Variants in EXOG observed in about 807,000 individuals in gnomAD.
The protein encoded by EXOG is exo/endonuclease G, also known as nuclease EXOG, mitochondrial.
In EXOG, 27 loss-of-function variants were observed where a neutral mutation model predicts 25.8. That is an observed-to-expected ratio of 1.05 (90% CI 0.77 to 1.45). EXOG has a LOEUF of 1.45. Among genes scored for constraint, EXOG ranks in the 40% most tolerant of loss-of-function variants. The pLI is 0.00. For synonymous variants in EXOG, 133 were observed against 167.0 expected (o/e 0.80, Z 1.57); for missense variants, 458 against 450.5 (o/e 1.02, Z -0.15).
chr3:38,516,817 G>T (rs1217802745), intron 5 of EXOG, among the ~76,000 whole-genome samples: 1 of 151,906 alleles, frequency 6.6e-6, no homozygotes, highest in Non-Finnish European at 1.5e-5. Context: ...TGATATTTTT[G>T]AATAGTACGG....
intron 2 of EXOG, among the ~76,000 whole-genome samples, chr3:38,500,375 G>T (rs1407344525): frequency 2.0e-5 from 3 of 152,150 alleles, no homozygotes; most frequent in Non-Finnish European, 2.9e-5. Flanking sequence ...TTCCAGGGCA[G>T]TAAGCACCAG....
At chr3:38,498,021 A>T (rs1462812411) in intron 2 of EXOG, 1 of 438,618 alleles carries the variant, frequency 2.3e-6, no homozygotes, top group East Asian at 4.8e-5. Context: ...GCTCTGTCAT[A>T]AATATTACAG....
intron 5 of EXOG, among the ~76,000 whole-genome samples, chr3:38,514,078 G>C (rs10490811): frequency 0.049 from 7,434 of 152,308 alleles, 639 homozygotes; most frequent in African/African-American, 0.17. Context: ...AGTGTGACTA[G>C]AGCAGCGTAA....
rs1433586709 is a variant in EXOG at position 38,523,601 on chromosome 3, C to A, written c.646-300C>A. Among the ~76,000 whole-genome samples the A allele has an allele frequency of 3.3e-5, 5 of 152,132 alleles. No homozygotes were observed. The East Asian group carries it at 9.6e-4, about 29-fold the overall frequency. ...CAGGCTGGTCTTGAACTCCTGACCT[C>A]AAGTGATCTGCCCGCCTTGGCGTCC... On this transcript the variant is annotated intron_variant, in intron 5 of 5. Coordinates refer to ENST00000287675, the MANE Select transcript of EXOG (RefSeq NM_005107.4).
chr3:38,515,895 CAA>C (rs2060528284), intron 5 of EXOG: 1 of 152,182 alleles, frequency 6.6e-6, no homozygotes, highest in African/African-American at 2.4e-5. Flanking sequence ...GAAGGCAAAA[CAA>C]AGGCCTGCTA....
intron 2 of EXOG, chr3:38,499,686 T>C (rs2059990324): frequency 2.2e-6 from 1 of 454,462 alleles, no homozygotes. Context: ...CCTAGGCTGG[T>C]CTTGAATTTC....
chr3:38,511,840 C>T (rs1193758439), intron 5 of EXOG, among the ~76,000 whole-genome samples: 1 of 152,086 alleles, frequency 6.6e-6, no homozygotes, highest in Non-Finnish European at 1.5e-5. Flanking sequence ...TTTACCTCAC[C>T]GAGTTGCTAG....
In EXOG at chr3:38,496,431, G is replaced by T. The variant is rs760734069; in HGVS notation, c.64G>T (p.Ala22Ser). The stretch of plus-strand genomic sequence containing the variant: ...CCGTCGTTTTCTGAGCGGCTTCGTG[G>T]CTGGGGCTGTAGTGGGCGCTGCGGG... Reference protein sequence around the residue: ...GSRRFLSGFVAGAVVGAAGAG... With the variant: ...GSRRFLSGFVSGAVVGAAGAG... Residue 22 changes from alanine to serine, a missense_variant, in exon 1 of 6, where the codon GCT becomes TCT. Transcript: ENST00000287675. 6.2e-7 allele frequency: 1 copy of T among 1,614,096 alleles called. No homozygotes were observed. The highest frequency in any genetic ancestry group is 8.5e-7 in the Non-Finnish European group (1 of 1,179,978).
chr3:38,499,967 C>T, intron 2 of EXOG: 1 of 288,550 alleles, frequency 3.5e-6, no homozygotes. Context: ...TAAGACTCAC[C>T]CAAGGTAGAT....
chr3:38,497,677 G>A lies in EXOG; in HGVS notation c.212G>A (p.Gly71Glu). ...VLEQFGFPLT[G>E]TEARCYTNHA... ...GAACAATTTGGATTCCCTTTAACTGGAACAGAGGCAAGGTGTTACACTAAT... is the reference window on the plus strand; with the variant it reads ...GAACAATTTGGATTCCCTTTAACTGAAACAGAGGCAAGGTGTTACACTAAT... The change falls in exon 2 of 6, where the codon GGA becomes GAA. Residue 71 changes from glycine (G) to glutamate (E), a missense_variant. Around this residue, in one of 3 missense-constraint regions of EXOG, gnomAD observed 275 missense variants for 230.5 expected, o/e 1.19. Coordinates refer to ENST00000287675, the MANE Select transcript of EXOG (RefSeq NM_005107.4). 1 of 1,606,286 alleles carries A rather than the reference G, an allele frequency of 6.2e-7. No homozygotes were observed. The highest frequency in any genetic ancestry group is 8.5e-7 in the Non-Finnish European group (1 of 1,178,386).
At chr3:38,513,938 G>C (rs973689103) in intron 5 of EXOG, 1 of 152,264 alleles carries the variant, frequency 6.6e-6, no homozygotes, top group African/African-American at 2.4e-5. Flanking sequence ...AGAAAGACAA[G>C]GGGAAGTGAG....
intron 5 of EXOG, among the ~76,000 whole-genome samples, chr3:38,517,217 C>A (rs2060572758): frequency 6.6e-6 from 1 of 152,194 alleles, no homozygotes; most frequent in Non-Finnish European, 1.5e-5. Flanking sequence ...TATTAGTTGA[C>A]ATTCCACTGT....
chr3:38,508,154 A>C (rs562105232), intron 5 of EXOG, among the ~76,000 whole-genome samples: 51 of 152,274 alleles, frequency 3.3e-4, no homozygotes, highest in African/African-American at 1.1e-3. Context: ...ATAAAAATAA[A>C]ATAAAAACAA....
In EXOG at chr3:38,524,262, A is replaced by G. The variant is rs146039478; in HGVS notation, c.1007A>G (p.Glu336Gly). ...EKIMENLKNA[E>G]IEPDDYFMSR... ...ATCATGGAAAACTTGAAGAATGCAG[A>G]GATTGAACCAGATGATTACTTTATG... is the stretch of plus-strand genomic sequence containing the variant. The change falls in exon 6 of 6, where the codon GAG (glutamate) becomes GGG (glycine). Residue 336 changes from glutamate (E) to glycine (G), a missense_variant. Glu to Gly is a moderately conservative substitution (Grantham distance 98, BLOSUM62 -2). Transcript: ENST00000287675. 133 of 1,614,176 alleles carry G rather than the reference A, an allele frequency of 8.2e-5. 1 individual carries two copies. The East Asian group carries it at 2.4e-3, about 29-fold the overall frequency.
intron 5 of EXOG, among the ~76,000 whole-genome samples, chr3:38,514,327 G>A (rs1337791494): frequency 2.0e-5 from 3 of 152,212 alleles, no homozygotes; most frequent in African/African-American, 7.2e-5. Context: ...GAATAGGATG[G>A]TGGTGGTAGA....
At chr3:38,506,795 G>T (rs149675525) in intron 4 of EXOG, 59 bp from the exon 5 acceptor site, 5 of 750,020 alleles carry the variant, frequency 6.7e-6, no homozygotes, top group African/African-American at 1.8e-5. Flanking sequence ...GATATGATTT[G>T]CTGCTGTCTT....
intron 5 of EXOG, among the ~76,000 whole-genome samples, chr3:38,513,234 G>C (rs1056893727): frequency 2.6e-5 from 4 of 152,198 alleles, no homozygotes; most frequent in Non-Finnish European, 2.9e-5. Flanking sequence ...CAGTTTACTA[G>C]ACAAGAGTAT....
In EXOG at chr3:38,523,918, C is replaced by T. The variant is rs1387323215; in HGVS notation, c.663C>T (p.Asn221=). ...GTTTTTAGGTGATTGGCGAGGACAA[C>T]GTGGCAGTCCCCTCACACCTTTATA... ...IVSYQVIGED[N]VAVPSHLYKV... Residue 221 remains asparagine (N), a synonymous_variant, in exon 6 of 6, where the codon AAC becomes AAT. Transcript: ENST00000287675. The T allele has an allele frequency of 3.9e-6, 6 of 1,547,636 alleles. No individual in the cohort carries two copies. Among genetic ancestry groups the T allele is most frequent in the Non-Finnish European group, 4.4e-6 (5 of 1,147,426 alleles).
chr3:38,498,350 T>A (rs2125745794), intron 2 of EXOG, among the ~76,000 whole-genome samples: 1 of 150,988 alleles, frequency 6.6e-6, no homozygotes, highest in Admixed American at 6.6e-5. Context: ...AGCTCAGGAG[T>A]TTGAGATGAG....
Sources: gnomAD v4.1 joint callset for allele counts (sites outside exome capture counted in the v4.1 genomes callset) on GRCh38, gnomAD v4.1.1 for gene constraint, gnomAD v4.1.1 regional missense constraint, MANE v1.5 for transcripts, NCBI Gene and HGNC (gene_info 2026-07-23, HGNC 2026-07-21) for gene names.